PDE1C: variants seen among roughly 807,000 people sequenced by gnomAD.
PDE1C encodes the protein dual specificity calcium/calmodulin-dependent 3',5'-cyclic nucleotide phosphodiesterase 1C.
In PDE1C, 62 loss-of-function variants were observed where a neutral mutation model predicts 93.1. That is an observed-to-expected ratio of 0.67 (90% CI 0.54 to 0.82). PDE1C has a LOEUF of 0.82. PDE1C is among the 40% of genes least tolerant of loss of function. The pLI is 0.00. For missense variants in PDE1C, 742 were observed against 884.6 expected (o/e 0.84, Z 2.04); for synonymous variants, 325 against 310.1 (o/e 1.05, Z -0.50).
At chr7:32,191,704 A>G (rs536340681) in intron 2 of PDE1C, among the ~76,000 whole-genome samples, 13 of 152,324 alleles carry the variant, frequency 8.5e-5, no homozygotes, top group Middle Eastern at 3.4e-3. Flanking sequence ...TTGTGTTAAT[A>G]TAAGTCTTCA....
chr7:32,319,395 T>C (rs1783240690), intron 1 of PDE1C, among the ~76,000 whole-genome samples: 1 of 152,182 alleles, frequency 6.6e-6, no homozygotes, highest in Non-Finnish European at 1.5e-5. Context: ...CTGTTGACTC[T>C]TCTCCCTCCA....
the PDE1C span, chr7:31,642,786 G>C: frequency 1.2e-6 from 2 of 1,613,958 alleles, no homozygotes; most frequent in Non-Finnish European, 1.7e-6. Context: ...AGCTAGAGTC[G>C]GATGGGCCAG....
At chr7:32,380,789 T>C (rs1187479723) in intron 1 of PDE1C, among the ~76,000 whole-genome samples, 1 of 152,148 alleles carries the variant, frequency 6.6e-6, no homozygotes, top group East Asian at 1.9e-4. Context: ...TCTCAGCCTC[T>C]TGTGAGGGCT....
At chr7:32,388,548 T>C (rs1784684391) in intron 1 of PDE1C, among the ~76,000 whole-genome samples, 1 of 150,598 alleles carries the variant, frequency 6.6e-6, no homozygotes, top group African/African-American at 2.4e-5. Context: ...AGCATGGGGG[T>C]GCACATCTGT....
In PDE1C at chr7:32,061,592, T is replaced by C. The variant is rs1228821048; in HGVS notation, c.101+8701A>G. ...CTCCAGGCTTCAGGTCTCAGCCCCA[T>C]GGCATGTGCCCTCTACCTCCCAGAA... On this transcript the variant is annotated intron_variant, in intron 1 of 17. Transcript: ENST00000396191. 2.0e-5 allele frequency among the ~76,000 whole-genome samples: 3 copies of C among 152,248 alleles called. No homozygotes were observed. In the East Asian group the frequency reaches 5.8e-4, roughly 29 times the overall value.
At position 31,824,884 on chromosome 7, in the gene PDE1C, T is replaced by C; in HGVS notation, c.1389A>G (p.Thr463=). ...CCACTGACCTCGAACGCCTCTGTCC[T>C]GTCCCACCAGTTTGAGAGGTTTCAT... is the stretch of plus-strand genomic sequence containing the variant. The part of the protein sequence containing the change: ...LIDETSQTGG[T]GQRRSSLNSI... Residue 463 remains threonine, a synonymous_variant, in exon 13 of 18, where the codon ACA becomes ACG. Transcript: ENST00000396191. 3 of 1,613,272 alleles carry C rather than the reference T, an allele frequency of 1.9e-6. No individual in the cohort carries two copies. The highest frequency in any genetic ancestry group is 2.5e-6 in the Non-Finnish European group (3 of 1,179,402).
intron 16 of PDE1C, among the ~76,000 whole-genome samples, chr7:31,798,556 C>A (rs576812240): frequency 6.6e-6 from 1 of 151,626 alleles, no homozygotes; most frequent in Non-Finnish European, 1.5e-5. Context: ...GAAGTCTGAA[C>A]AAAAATGGTC....
chr7:32,348,917 C>T (rs1371174721), intron 1 of PDE1C, among the ~76,000 whole-genome samples: 1 of 152,156 alleles, frequency 6.6e-6, no homozygotes, highest in Non-Finnish European at 1.5e-5. Context: ...CTGGTTACTG[C>T]TTAAACTTAT....
At chr7:32,267,596 T>TCTCTCTCTCTCTCTCTCACACACACACA (rs1810693398) in intron 1 of PDE1C, among the ~76,000 whole-genome samples, 3 of 66,220 alleles carry the variant, frequency 4.5e-5, no homozygotes, top group Non-Finnish European at 8.5e-5. Context: ...ACTCTCTCTC[T>TCTCTCTCTCTCTCTCTCACACACACACA]CTCTCTCTCT....
chr7:32,397,314 A>C (rs1333977669), intron 1 of PDE1C, among the ~76,000 whole-genome samples: 1 of 152,212 alleles, frequency 6.6e-6, no homozygotes, highest in East Asian at 1.9e-4. Context: ...CAGAAAACTT[A>C]AACAAAAATA....
chr7:31,878,078 A>G (rs1796811702), intron 4 of PDE1C, 42 bp from the exon 5 acceptor site: 1 of 1,419,180 alleles, frequency 7.0e-7, no homozygotes, highest in Non-Finnish European at 9.9e-7. Flanking sequence ...ATATCTTATA[A>G]AGTAGGATTT....
chr7:32,357,184 A>T (rs1420743980), intron 1 of PDE1C, among the ~76,000 whole-genome samples: 2 of 152,130 alleles, frequency 1.3e-5, no homozygotes, highest in Admixed American at 6.5e-5. Context: ...TACAAAAAAA[A>T]TTAGCCGGGC....
chr7:31,673,660 C>T, the PDE1C span, among the ~76,000 whole-genome samples: 1 of 151,024 alleles, frequency 6.6e-6, no homozygotes, highest in African/African-American at 2.4e-5. Flanking sequence ...TTTTTCTTTA[C>T]ATTGCCTATT....
At chr7:31,911,412 G>A (rs910802867) in intron 2 of PDE1C, among the ~76,000 whole-genome samples, 2 of 152,126 alleles carry the variant, frequency 1.3e-5, no homozygotes, top group African/African-American at 4.8e-5. Flanking sequence ...AAGGGGCTCA[G>A]TACTGAAGTA....
intron 17 of PDE1C, among the ~76,000 whole-genome samples, chr7:31,774,635 A>G (rs1485432205): frequency 6.6e-6 from 1 of 152,248 alleles, no homozygotes; most frequent in Admixed American, 6.5e-5. Context: ...ATCAATAGAC[A>G]TATAAATAAA....
At chr7:31,937,094 G>T (rs982942802) in intron 2 of PDE1C, among the ~76,000 whole-genome samples, 1 of 152,114 alleles carries the variant, frequency 6.6e-6, no homozygotes, top group Non-Finnish European at 1.5e-5. Context: ...AGATAGGGGG[G>T]ATTGTGGAAG....
chr7:32,176,811 C>G (rs1803023208), intron 2 of PDE1C, among the ~76,000 whole-genome samples: 1 of 152,060 alleles, frequency 6.6e-6, no homozygotes, highest in South Asian at 2.1e-4. Context: ...TAGGACAGAG[C>G]AAATAAGCAG....
chr7:32,090,710 G>A (rs1415907288), intron 3 of PDE1C, among the ~76,000 whole-genome samples: 1 of 152,136 alleles, frequency 6.6e-6, no homozygotes, highest in Non-Finnish European at 1.5e-5. Flanking sequence ...TCTGATAAAA[G>A]TTACAAACTT....
chr7:31,656,462 T>C, the PDE1C span: 4 of 974,702 alleles, frequency 4.1e-6, no homozygotes, highest in Non-Finnish European at 4.9e-6. Flanking sequence ...TTGGCTATTA[T>C]TACAAGTGCA....
Sources: gnomAD v4.1 joint callset for allele counts (sites outside exome capture counted in the v4.1 genomes callset) on GRCh38, gnomAD v4.1.1 for gene constraint, MANE v1.5 for transcripts, NCBI Gene and HGNC (gene_info 2026-07-23, HGNC 2026-07-21) for gene names.